EPHA3: variants seen among roughly 807,000 people sequenced by gnomAD.
The protein encoded by EPHA3 is ephrin type-A receptor 3.
EPHA3 carries 42 observed loss-of-function variants against 107.1 expected under a neutral mutation model. The observed-to-expected ratio is 0.39, with a 90% CI of 0.31 to 0.51. The LOEUF is 0.51. Among genes scored for constraint, EPHA3 ranks in the 20% least tolerant of loss-of-function variants. EPHA3 has a pLI of 0.78. For synonymous variants in EPHA3, 461 were observed against 424.8 expected, an observed-to-expected ratio of 1.09 and a Z score of -1.05; for missense variants, 1,183 against 1,211.2, an observed-to-expected ratio of 0.98 and a Z score of 0.35.
At chr3:89,371,439 A>G (rs923422722) in intron 5 of EPHA3, among the ~76,000 whole-genome samples, 1 of 151,718 alleles carries the variant, frequency 6.6e-6, no homozygotes, top group African/African-American at 2.4e-5. Context: ...CTATCAGGTA[A>G]ACTGAAGAAG....
At chr3:89,295,701 A>T (rs1211626811) in intron 3 of EPHA3, among the ~76,000 whole-genome samples, 1 of 151,944 alleles carries the variant, frequency 6.6e-6, no homozygotes, top group African/African-American at 2.4e-5. Flanking sequence ...AGAGATTCTC[A>T]TGCCTCAGCC....
chr3:89,371,184 G>A (rs1346653818), intron 5 of EPHA3, among the ~76,000 whole-genome samples: 1 of 151,506 alleles, frequency 6.6e-6, no homozygotes, highest in African/African-American at 2.4e-5. Context: ...TTTCATTCCA[G>A]TGATTATTTT....
chr3:89,204,109 C>T (rs1211893222), intron 2 of EPHA3, among the ~76,000 whole-genome samples: 1 of 152,180 alleles, frequency 6.6e-6, no homozygotes, highest in East Asian at 1.9e-4. Flanking sequence ...TAGCTCTTCT[C>T]ACTCTCTAAA....
intron 9 of EPHA3, 107 bp from the exon 10 acceptor site, chr3:89,413,034 C>T: frequency 6.8e-7 from 1 of 1,463,440 alleles, no homozygotes; most frequent in Non-Finnish European, 9.3e-7. Context: ...AGGTTGTGCA[C>T]CTTATGGGGT....
intron 2 of EPHA3, among the ~76,000 whole-genome samples, chr3:89,191,213 C>A (rs1159253825): frequency 6.6e-6 from 1 of 152,056 alleles, no homozygotes; most frequent in Non-Finnish European, 1.5e-5. Context: ...TTTCTTCTGA[C>A]CTTTAATGCA....
chr3:89,360,178 C>A (rs1708061718), intron 5 of EPHA3, among the ~76,000 whole-genome samples: 1 of 150,728 alleles, frequency 6.6e-6, no homozygotes, highest in Non-Finnish European at 1.5e-5. Flanking sequence ...GCCACCAGGA[C>A]TCCTACAACA....
At chr3:89,304,208 C>G (rs1473400787) in intron 3 of EPHA3, among the ~76,000 whole-genome samples, 5 of 152,064 alleles carry the variant, frequency 3.3e-5, no homozygotes, top group African/African-American at 1.2e-4. Context: ...AGCATTTCAG[C>G]AACAAACTCC....
chr3:89,403,264 A>G lies in EPHA3; in HGVS notation c.1594+3784A>G, dbSNP rs1576361034. On this transcript the variant is annotated intron_variant, in intron 7 of 16. Coordinates refer to ENST00000336596, the MANE Select transcript of EPHA3 (RefSeq NM_005233.6). ...CAAAGTCACACAATTGGCAAGGGAT[A>G]CATCAATTCCAGAATCCAGGTTTCT... Among the ~76,000 whole-genome samples, 4 of 152,320 alleles carry G rather than the reference A, an allele frequency of 2.6e-5. No individual in the cohort carries two copies. The East Asian group carries it at 7.7e-4, about 29-fold the overall frequency.
At chr3:89,405,460 T>A (rs1709037370) in intron 7 of EPHA3, among the ~76,000 whole-genome samples, 2 of 152,186 alleles carry the variant, frequency 1.3e-5, no homozygotes, top group African/African-American at 4.8e-5. Flanking sequence ...GTATAAACAA[T>A]AGTTTGCTGG....
At chr3:89,429,196 T>C in intron 12 of EPHA3, 29 bp downstream of exon 12, 1 of 1,548,322 alleles carries the variant, frequency 6.5e-7, no homozygotes. Context: ...CATACATATA[T>C]ATGAATAAAT....
intron 2 of EPHA3, among the ~76,000 whole-genome samples, chr3:89,196,191 C>G (rs1705833259): frequency 6.6e-6 from 1 of 152,076 alleles, no homozygotes; most frequent in Admixed American, 6.6e-5. Flanking sequence ...CTTCCTCTGA[C>G]TTGTCTCATC....
chr3:89,368,190 GT>G (rs1559667441), intron 5 of EPHA3, among the ~76,000 whole-genome samples: 1 of 150,376 alleles, frequency 6.6e-6, no homozygotes. Flanking sequence ...GAGGTATGGG[GT>G]TTTTTAAAAA....
At chr3:89,197,499 T>C (rs1705866328) in intron 2 of EPHA3, among the ~76,000 whole-genome samples, 1 of 152,100 alleles carries the variant, frequency 6.6e-6, no homozygotes, top group Non-Finnish European at 1.5e-5. Context: ...TGACGTGTTA[T>C]GCAGATAGAT....
intron 3 of EPHA3, among the ~76,000 whole-genome samples, chr3:89,266,281 C>G (rs1705536865): frequency 1.3e-5 from 2 of 152,114 alleles, no homozygotes; most frequent in Non-Finnish European, 2.9e-5. Flanking sequence ...CTAAGTGAAA[C>G]AGATGAGATT....
intron 3 of EPHA3, among the ~76,000 whole-genome samples, chr3:89,327,742 GTT>G (rs1707196710): frequency 6.6e-6 from 1 of 150,938 alleles, no homozygotes; most frequent in South Asian, 2.1e-4. Context: ...CTTTTTTTTT[GTT>G]TGTTTGTTTT....
At chr3:89,120,990 A>G (rs1419425626) in intron 1 of EPHA3, among the ~76,000 whole-genome samples, 1 of 152,202 alleles carries the variant, frequency 6.6e-6, no homozygotes, top group African/African-American at 2.4e-5. Context: ...CTGTAATCCC[A>G]GCACTTTGGG....
intron 3 of EPHA3, among the ~76,000 whole-genome samples, chr3:89,291,561 A>G (rs1287474258): frequency 6.6e-6 from 1 of 152,172 alleles, no homozygotes; most frequent in Non-Finnish European, 1.5e-5. Flanking sequence ...ATGAAAAAAG[A>G]TAAGAGTTAT....
At chr3:89,234,923 CCCTCCCTTCCTT>C (rs924661529) in intron 3 of EPHA3, among the ~76,000 whole-genome samples, 2 of 145,512 alleles carry the variant, frequency 1.4e-5, no homozygotes, top group Non-Finnish European at 3.0e-5. Context: ...TGCCTTCCTT[CCCTCCCTTCCTT>C]CCTCCCTCTC....
At chr3:89,147,984 G>A (rs567260940) in intron 2 of EPHA3, among the ~76,000 whole-genome samples, 1 of 151,972 alleles carries the variant, frequency 6.6e-6, no homozygotes, top group East Asian at 1.9e-4. Flanking sequence ...TAGGCTAGGA[G>A]AGTAAAACAC....
Sources: gnomAD v4.1 joint callset for allele counts (sites outside exome capture counted in the v4.1 genomes callset) on GRCh38, gnomAD v4.1.1 for gene constraint, MANE v1.5 for transcripts, NCBI Gene and HGNC (gene_info 2026-07-23, HGNC 2026-07-21) for gene names.